TIAM1: variants seen among roughly 807,000 people sequenced by gnomAD.
TIAM1 encodes the protein TIAM Rac1 associated GEF 1, also known as rho guanine nucleotide exchange factor TIAM1.
TIAM1 carries 65 observed loss-of-function variants against 163.5 expected under a neutral mutation model. The ratio of observed to expected loss-of-function variants is 0.40; its 90% CI spans 0.33 to 0.49. TIAM1 has a LOEUF of 0.49. Ranked by LOEUF, TIAM1 falls within the 20% of genes least tolerant of loss-of-function variation. The pLI is 0.77. For missense variants in TIAM1, 1,789 were observed against 2,044.7 expected (o/e 0.87, Z 2.41); for synonymous variants, 833 against 810.1 (o/e 1.03, Z -0.48).
upstream of TIAM1, among the ~76,000 whole-genome samples, chr21:31,346,189 A>G (rs2076144958): frequency 6.6e-6 from 1 of 152,098 alleles, no homozygotes; most frequent in African/African-American, 2.4e-5. Flanking sequence ...ACAAATGCCA[A>G]TAGTGCTGCT....
At chr21:31,210,811 A>AAAGAAAGAAAGAAAGG (rs2086848060) in intron 10 of TIAM1, among the ~76,000 whole-genome samples, 3 of 148,134 alleles carry the variant, frequency 2.0e-5, no homozygotes, top group South Asian at 2.2e-4. Context: ...AGAAAGAAAG[A>AAAGAAAGAAAGAAAGG]AAGGTCACCA....
At chr21:31,345,880 G>A (rs1191915566), upstream of TIAM1, among the ~76,000 whole-genome samples, 2 of 152,166 alleles carry the variant, frequency 1.3e-5, no homozygotes, top group African/African-American at 2.4e-5. Flanking sequence ...AACCTGGGAG[G>A]TGGAGGTTGC....
chr21:31,225,517 TA>T lies in TIAM1; in HGVS notation c.1809+208del, dbSNP rs541371036. On this transcript the variant is annotated intron_variant, in intron 7 of 27. Coordinates refer to ENST00000541036, the MANE Select transcript of TIAM1 (RefSeq NM_001353694.2). ...CTGGGTTTCTGTCTTTCATTCAATG[TA>T]ATATTGTTCCGTTTAGCTATTAACA... 3.3e-4 allele frequency among the ~76,000 whole-genome samples: 50 copies of T among 152,226 alleles called. 1 individual carries two copies. The highest frequency in any genetic ancestry group is 6.2e-4 in the Non-Finnish European group (42 of 68,022).
At chr21:31,163,390 T>A (rs1420937401) in intron 16 of TIAM1, among the ~76,000 whole-genome samples, 1 of 152,212 alleles carries the variant, frequency 6.6e-6, no homozygotes, top group African/African-American at 2.4e-5. Context: ...AGCAGTTGGT[T>A]TTTTAAATTT....
intron 1 of TIAM1, among the ~76,000 whole-genome samples, chr21:31,471,836 T>C (rs146342085): frequency 0.03 from 4,530 of 151,628 alleles, 231 homozygotes; most frequent in African/African-American, 0.1. Context: ...GCCATTGCAT[T>C]CCAGCCTGGG....
At chr21:31,537,287 C>G (rs879419591) in intron 1 of TIAM1, among the ~76,000 whole-genome samples, 67 of 152,054 alleles carry the variant, frequency 4.4e-4, no homozygotes, top group Non-Finnish European at 7.2e-4. Context: ...TAGGGCTGAA[C>G]ATAGGTCAAG....
chr21:31,234,543 G>A (rs2088636466), intron 6 of TIAM1, among the ~76,000 whole-genome samples: 1 of 152,106 alleles, frequency 6.6e-6, no homozygotes, highest in South Asian at 2.1e-4. Context: ...CACTTCGGGA[G>A]GCTGAGGCAG....
chr21:31,255,815 T>C (rs1205821999), intron 4 of TIAM1, among the ~76,000 whole-genome samples: 1 of 152,180 alleles, frequency 6.6e-6, no homozygotes, highest in African/African-American at 2.4e-5. Context: ...AAACTCTCCA[T>C]GTTAGAACCA....
chr21:31,163,870 CAA>C, intron 16 of TIAM1, among the ~76,000 whole-genome samples: 1 of 150,482 alleles, frequency 6.6e-6, no homozygotes, highest in Non-Finnish European at 1.5e-5. Flanking sequence ...AAGCGTCAAG[CAA>C]AAAAAAGAGA....
intron 2 of TIAM1, among the ~76,000 whole-genome samples, chr21:31,384,889 T>C (rs1420744088): frequency 6.6e-6 from 1 of 152,174 alleles, no homozygotes; most frequent in Non-Finnish European, 1.5e-5. Flanking sequence ...ATTAAGCCCA[T>C]GACATCAGGA....
chr21:31,273,285 A>G (rs2073144166), intron 3 of TIAM1, among the ~76,000 whole-genome samples: 1 of 152,166 alleles, frequency 6.6e-6, no homozygotes, highest in Admixed American at 6.5e-5. Context: ...TGGTCCCTGT[A>G]AGCCAGAGAG....
intron 3 of TIAM1, among the ~76,000 whole-genome samples, chr21:31,273,759 C>A (rs184141213): frequency 6.6e-6 from 1 of 152,150 alleles, no homozygotes; most frequent in African/African-American, 2.4e-5. Context: ...TCAATAGATG[C>A]CAATCCCAAG....
At chr21:31,209,652 C>T (rs552180343) in intron 11 of TIAM1, among the ~76,000 whole-genome samples, 11 of 152,210 alleles carry the variant, frequency 7.2e-5, no homozygotes, top group South Asian at 2.1e-4. Flanking sequence ...TGTATGTGTG[C>T]GGAAAAAGGA....
At chr21:31,514,699 A>G (rs1298685100) in intron 1 of TIAM1, among the ~76,000 whole-genome samples, 3 of 152,274 alleles carry the variant, frequency 2.0e-5, no homozygotes, top group East Asian at 1.9e-4. Flanking sequence ...ATCTCAAAAA[A>G]AAAATATTGA....
intron 2 of TIAM1, among the ~76,000 whole-genome samples, chr21:31,280,317 G>C (rs139199198): frequency 6.6e-6 from 1 of 152,304 alleles, no homozygotes; most frequent in Non-Finnish European, 1.5e-5. Flanking sequence ...TAAGTCTCAT[G>C]AGAGCTGATG....
chr21:31,490,173 CAG>C (rs147360299), intron 1 of TIAM1, among the ~76,000 whole-genome samples: 4,133 of 152,210 alleles, frequency 0.027, 191 homozygotes, highest in African/African-American at 0.094. Context: ...CTTGTTAACT[CAG>C]AGAGGCAAAT....
At chr21:31,175,729 G>C (rs2084731281) in intron 15 of TIAM1, among the ~76,000 whole-genome samples, 1 of 152,040 alleles carries the variant, frequency 6.6e-6, no homozygotes, top group African/African-American at 2.4e-5. Flanking sequence ...CTCCCAAGCA[G>C]CTGGGATTAC....
intron 2 of TIAM1, among the ~76,000 whole-genome samples, chr21:31,360,143 C>T (rs2076384745): frequency 6.6e-6 from 1 of 152,052 alleles, no homozygotes; most frequent in South Asian, 2.1e-4. Context: ...GGCAGAGAGC[C>T]GACTTCTCAG....
intron 1 of TIAM1, among the ~76,000 whole-genome samples, chr21:31,516,812 T>C (rs2047397695): frequency 2.0e-5 from 3 of 151,542 alleles, no homozygotes; most frequent in African/African-American, 7.3e-5. Flanking sequence ...TCCCAACACT[T>C]TGGGAGGCCG....
Sources: allele counts gnomAD v4.1 joint callset (sites outside exome capture counted in the v4.1 genomes callset), GRCh38; gene constraint gnomAD v4.1.1; transcripts MANE v1.5; gene names NCBI Gene and HGNC (gene_info 2026-07-23, HGNC 2026-07-21).